RNLS: variants seen among roughly 807,000 people sequenced by gnomAD.
RNLS encodes the protein renalase.
A neutral mutation model predicts 39.8 loss-of-function variants in RNLS; 39 were observed. That is an observed-to-expected ratio of 0.98 (90% confidence interval 0.76 to 1.28). RNLS has a LOEUF of 1.28. Ranked by LOEUF, RNLS falls within the 50% of genes most tolerant of loss-of-function variation. RNLS has a pLI of 0.00. For missense variants in RNLS, 410 were observed against 413.3 expected (o/e 0.99, Z 0.07); for synonymous variants, 147 against 150.7 (o/e 0.98, Z 0.18).
At chr10:88,484,438 A>G (rs1232493344) in intron 4 of RNLS, among the ~76,000 whole-genome samples, 1 of 152,004 alleles carries the variant, frequency 6.6e-6, no homozygotes. Context: ...ATCTATGATA[A>G]TGAGGAACAC....
chr10:88,195,874 A>T, the RNLS span, among the ~76,000 whole-genome samples: 1 of 152,238 alleles, frequency 6.6e-6, no homozygotes, highest in Non-Finnish European at 1.5e-5. Context: ...CTATCCAGTA[A>T]TGTGACATTG....
At chr10:88,523,116 T>C (rs918546004) in intron 4 of RNLS, among the ~76,000 whole-genome samples, 1 of 152,146 alleles carries the variant, frequency 6.6e-6, no homozygotes, top group African/African-American at 2.4e-5. Context: ...ATCTTTACAG[T>C]TGTCAAAATC....
At chr10:88,521,670 A>G (rs537288190) in intron 4 of RNLS, among the ~76,000 whole-genome samples, 6 of 152,062 alleles carry the variant, frequency 3.9e-5, no homozygotes, top group African/African-American at 7.2e-5. Flanking sequence ...GACAAAACAC[A>G]TTTCAGATAA....
rs1330886511 is a variant in RNLS at position 88,575,151 on chromosome 10, TATATATATAC to T, written c.368-2100_368-2091del. Among the ~76,000 whole-genome samples, 270 of 46,786 alleles carry T rather than the reference TATATATATAC, an allele frequency of 5.8e-3. 1 individual carries two copies. The highest frequency in any genetic ancestry group is 0.022 in the African/African-American group (227 of 10,158). 30.7% of individuals were successfully genotyped at this position (46,786 alleles called of 152,430 possible). A position where few individuals can be genotyped will look rare whatever the true frequency, so the allele number is the denominator to read the frequency against. On this transcript the variant is annotated intron_variant, in intron 3 of 6. Transcript: ENST00000331772. ...ATATATATATATATATATATATATATATATATATACACACACACACACACACACATATTAT... is the reference window on the plus strand; with the variant it reads ...ATATATATATATATATATATATATATACACACACACACACACACATATTAT...
Position 88,319,271 on chromosome 10 carries a change from T to C in RNLS, c.701-4630A>G, listed in dbSNP as rs1845999939. On this transcript the variant is annotated intron_variant, in intron 5 of 6. Transcript: ENST00000331772. ...CTCAAGATAAAAAAGAATTACAAAA[T>C]GTAAAAGTCCTATCAAAAGGACAGA... is the stretch of plus-strand genomic sequence containing the variant. 2.0e-5 allele frequency among the ~76,000 whole-genome samples: 3 copies of C among 151,852 alleles called. No homozygotes were observed. The South Asian group carries it at 6.3e-4, about 32-fold the overall frequency.
chr10:88,270,615 C>T (rs1196660331), downstream of RNLS, among the ~76,000 whole-genome samples: 2 of 152,182 alleles, frequency 1.3e-5, no homozygotes, highest in Admixed American at 6.5e-5. Context: ...GAGAACTTAG[C>T]TCAATACTTG....
At chr10:88,333,185 A>C (rs1847239475) in intron 5 of RNLS, among the ~76,000 whole-genome samples, 1 of 152,248 alleles carries the variant, frequency 6.6e-6, no homozygotes, top group African/African-American at 2.4e-5. Flanking sequence ...CTTAAATAAA[A>C]TTAAGTGGAA....
chr10:88,578,570 T>A (rs1420469119), intron 3 of RNLS, among the ~76,000 whole-genome samples: 1 of 151,978 alleles, frequency 6.6e-6, no homozygotes, highest in Non-Finnish European at 1.5e-5. Flanking sequence ...AGAATAACAT[T>A]AAATAGCATT....
At chr10:88,262,818 C>T in the RNLS span, among the ~76,000 whole-genome samples, 16 of 152,232 alleles carry the variant, frequency 1.1e-4, no homozygotes, top group Middle Eastern at 3.4e-3. Flanking sequence ...GGATTCTGGT[C>T]AAAGTATGTG....
chr10:88,477,441 G>T (rs1012779744), intron 4 of RNLS, among the ~76,000 whole-genome samples: 1 of 152,020 alleles, frequency 6.6e-6, no homozygotes, highest in South Asian at 2.1e-4. Flanking sequence ...AATGATGATG[G>T]GGATGACAGC....
the RNLS span, among the ~76,000 whole-genome samples, chr10:88,218,505 G>A: frequency 6.6e-6 from 1 of 152,190 alleles, no homozygotes; most frequent in Non-Finnish European, 1.5e-5. Context: ...CATGAGCAGG[G>A]CTTGGAACAC....
chr10:88,240,543 C>T, the RNLS span, among the ~76,000 whole-genome samples: 1 of 152,036 alleles, frequency 6.6e-6, no homozygotes, highest in Non-Finnish European at 1.5e-5. Context: ...ATTGAATTAC[C>T]ATCCACCCAG....
intron 4 of RNLS, among the ~76,000 whole-genome samples, chr10:88,537,344 A>G (rs1847812378): frequency 6.6e-6 from 1 of 152,192 alleles, no homozygotes; most frequent in Non-Finnish European, 1.5e-5. Context: ...ATAATCTCCT[A>G]CAGCCAAGTA....
At chr10:88,203,406 ATATATACAC>A in the RNLS span, among the ~76,000 whole-genome samples, 1 of 19,126 alleles carries the variant, frequency 5.2e-5, no homozygotes, top group Non-Finnish European at 1.5e-4. Context: ...GTATATATAT[ATATATACAC>A]GTATGTGTAT....
downstream of RNLS, among the ~76,000 whole-genome samples, chr10:88,281,444 C>T (rs1248967635): frequency 6.6e-6 from 1 of 152,142 alleles, no homozygotes; most frequent in Non-Finnish European, 1.5e-5. Context: ...TCAACATGTA[C>T]CTCTACTCTG....
Position 88,362,669 on chromosome 10 carries a change from C to A in RNLS, c.583G>T (p.Ala195Ser), listed in dbSNP as rs183742907. The A allele has an allele frequency of 5.6e-6, 9 of 1,613,922 alleles. No individual in the cohort carries two copies. In the African/African-American group the frequency reaches 1.2e-4, roughly 22 times the overall value. The stretch of plus-strand genomic sequence containing the variant: ...CCAGCTTCATAAAAGAGGCCCAGAG[C>A]ATATCGAGAGGAGTAGCTCACAGCC... ...LEAVSYSSRY[A>S]LGLFYEAGTK... The change falls in exon 5 of 7, where the codon GCT (alanine) becomes TCT (serine). Residue 195 changes from alanine to serine, a missense_variant. By Grantham distance (99) the Ala-to-Ser change is moderately conservative. Transcript: ENST00000331772.
the RNLS span, among the ~76,000 whole-genome samples, chr10:88,214,498 C>CAAA: frequency 7.0e-4 from 95 of 135,090 alleles, no homozygotes; most frequent in South Asian, 1.2e-3. Flanking sequence ...GACTCCGTCT[C>CAAA]AAAAAAAAAA....
chr10:88,202,540 C>T, the RNLS span, among the ~76,000 whole-genome samples: 2 of 152,228 alleles, frequency 1.3e-5, no homozygotes, highest in South Asian at 4.1e-4. Flanking sequence ...GGACTCAGTC[C>T]AGCCCTGGTA....
At chr10:88,534,061 A>C (rs1465028056) in intron 4 of RNLS, among the ~76,000 whole-genome samples, 1 of 152,094 alleles carries the variant, frequency 6.6e-6, no homozygotes, top group Non-Finnish European at 1.5e-5. Context: ...GAGAGTTTCA[A>C]TCCTGATTAG....
Sources: allele counts gnomAD v4.1 joint callset (sites outside exome capture counted in the v4.1 genomes callset), GRCh38; gene constraint gnomAD v4.1.1; transcripts MANE v1.5; gene names NCBI Gene and HGNC (gene_info 2026-07-23, HGNC 2026-07-21).